Variants in KCNG3 observed in about 807,000 individuals in gnomAD.
KCNG3 encodes potassium voltage-gated channel modifier subfamily G member 3, also known as voltage-gated potassium channel regulatory subunit KCNG3.
In KCNG3, 15 loss-of-function variants were observed where a neutral mutation model predicts 29.0. The observed-to-expected ratio is 0.52, with a 90% CI of 0.35 to 0.80. KCNG3 has a LOEUF of 0.80. Among genes scored for constraint, KCNG3 ranks in the 30% least tolerant of loss-of-function variants. The pLI is 0.01. For missense variants in KCNG3, 512 were observed against 605.7 expected (o/e 0.85, Z 1.62); for synonymous variants, 322 against 248.9 (o/e 1.29, Z -2.76).
the KCNG3 span, among the ~76,000 whole-genome samples, chr2:42,412,705 A>G: frequency 4.6e-5 from 7 of 152,108 alleles, no homozygotes; most frequent in African/African-American, 1.7e-4. Flanking sequence ...TTTATATTAT[A>G]CTATATTGTT....
intron 1 of KCNG3, among the ~76,000 whole-genome samples, chr2:42,478,937 G>A (rs923221129): frequency 6.7e-6 from 1 of 149,992 alleles, no homozygotes; most frequent in Non-Finnish European, 1.5e-5. Flanking sequence ...GTTGGGACTA[G>A]AAGTATTTCA....
the KCNG3 span, among the ~76,000 whole-genome samples, chr2:42,408,717 T>C: frequency 6.6e-6 from 1 of 152,148 alleles, no homozygotes; most frequent in Non-Finnish European, 1.5e-5. Context: ...TTATTCTTCC[T>C]GGTTGCAGCA....
chr2:42,450,720 T>C (rs1672726611), intron 1 of KCNG3, among the ~76,000 whole-genome samples: 2 of 152,206 alleles, frequency 1.3e-5, no homozygotes, highest in Non-Finnish European at 2.9e-5. Flanking sequence ...AAGAAGTCTA[T>C]GAAATATGTA....
chr2:42,480,797 T>C (rs1673562906), intron 1 of KCNG3, among the ~76,000 whole-genome samples: 1 of 151,526 alleles, frequency 6.6e-6, no homozygotes, highest in African/African-American at 2.4e-5. Context: ...CCTTTTTTTT[T>C]CTTTGAGATG....
chr2:42,424,958 A>G, the KCNG3 span: 1 of 152,318 alleles, frequency 6.6e-6, no homozygotes, highest in African/African-American at 2.4e-5. Flanking sequence ...TCCACCCCTG[A>G]AAGGGTGATT....
At chr2:42,435,252 G>A in the KCNG3 span, among the ~76,000 whole-genome samples, 20 of 152,272 alleles carry the variant, frequency 1.3e-4, no homozygotes, top group East Asian at 2.3e-3. Flanking sequence ...GCAGTGAGCC[G>A]AGATCGCCCC....
At chr2:42,414,273 T>C in the KCNG3 span, among the ~76,000 whole-genome samples, 1 of 152,202 alleles carries the variant, frequency 6.6e-6, no homozygotes, top group African/African-American at 2.4e-5. Context: ...GTAAGTTCTT[T>C]TGGTCCTTGT....
the KCNG3 span, among the ~76,000 whole-genome samples, chr2:42,410,607 A>G: frequency 6.6e-6 from 1 of 152,126 alleles, no homozygotes; most frequent in African/African-American, 2.4e-5. Context: ...TATATTTTCT[A>G]TGTAAAACTG....
the KCNG3 span, among the ~76,000 whole-genome samples, chr2:42,403,707 T>C: frequency 1.3e-5 from 2 of 150,516 alleles, no homozygotes; most frequent in Admixed American, 6.6e-5. Flanking sequence ...TCAAGTGATC[T>C]ACCTGCCTCG....
intron 1 of KCNG3, among the ~76,000 whole-genome samples, chr2:42,490,734 G>C (rs1229958603): frequency 9.2e-5 from 14 of 152,224 alleles, no homozygotes; most frequent in Non-Finnish European, 1.5e-5. Context: ...ACTGTAAAGA[G>C]CCTTGAAGGC....
downstream of KCNG3, among the ~76,000 whole-genome samples, chr2:42,438,219 G>GC (rs1672409252): frequency 6.6e-6 from 1 of 152,108 alleles, no homozygotes; most frequent in South Asian, 2.1e-4. Flanking sequence ...TTTGAGACCA[G>GC]CCTGTGTAAC....
chr2:42,415,315 T>G, the KCNG3 span, among the ~76,000 whole-genome samples: 4 of 152,206 alleles, frequency 2.6e-5, no homozygotes, highest in African/African-American at 9.6e-5. Context: ...ATCTTATTTC[T>G]GGTTATAACC....
At chr2:42,457,171 TGAG>T (rs1247063851) in intron 1 of KCNG3, among the ~76,000 whole-genome samples, 2 of 151,984 alleles carry the variant, frequency 1.3e-5, no homozygotes, top group African/African-American at 4.8e-5. Flanking sequence ...CACCTACAAA[TGAG>T]GAGACTAAGC....
At chr2:42,477,362 T>C (rs897088993) in intron 1 of KCNG3, among the ~76,000 whole-genome samples, 3 of 138,898 alleles carry the variant, frequency 2.2e-5, no homozygotes, top group Non-Finnish European at 3.0e-5. Flanking sequence ...TGTGTGTATA[T>C]ACATATATAT....
At chr2:42,490,878 A>G (rs1673854570) in intron 1 of KCNG3, among the ~76,000 whole-genome samples, 1 of 152,194 alleles carries the variant, frequency 6.6e-6, no homozygotes, top group South Asian at 2.1e-4. Context: ...TGACAGGTTA[A>G]GGGCCCTCTC....
chr2:42,459,499 T>C (rs1672963449), intron 1 of KCNG3, among the ~76,000 whole-genome samples: 1 of 152,190 alleles, frequency 6.6e-6, no homozygotes, highest in Non-Finnish European at 1.5e-5. Flanking sequence ...GATGATGCAA[T>C]GTCCTCAAGT....
At chr2:42,394,376 A>G in the KCNG3 span, among the ~76,000 whole-genome samples, 1 of 152,196 alleles carries the variant, frequency 6.6e-6, no homozygotes, top group South Asian at 2.1e-4. Context: ...CTCCTCAGCC[A>G]TTCCCTCCCA....
At chr2:42,425,936 T>C in the KCNG3 span, among the ~76,000 whole-genome samples, 23 of 152,360 alleles carry the variant, frequency 1.5e-4, no homozygotes, top group African/African-American at 2.4e-4. Flanking sequence ...ATTGCTGAAG[T>C]TGACGCAATA....
chr2:42,477,532 G>A (rs889642620), intron 1 of KCNG3, among the ~76,000 whole-genome samples: 6 of 147,708 alleles, frequency 4.1e-5, no homozygotes, highest in African/African-American at 1.3e-4. Flanking sequence ...GGTTCACGCC[G>A]TTCTCCTGCC....
Sources: gnomAD v4.1 joint callset for allele counts (sites outside exome capture counted in the v4.1 genomes callset) on GRCh38, gnomAD v4.1.1 for gene constraint, MANE v1.5 for transcripts, NCBI Gene and HGNC (gene_info 2026-07-23, HGNC 2026-07-21) for gene names.